The following HDAC9 variants were observed in gnomAD, a reference collection of about 807,000 sequenced individuals.
The protein encoded by HDAC9 is MEF-2 interacting transcription repressor (MITR) protein.
In HDAC9, 41 loss-of-function variants were observed where a neutral mutation model predicts 139.4. The observed-to-expected ratio is 0.29, with a 90% CI of 0.23 to 0.38. The LOEUF is 0.38. Among genes scored for constraint, HDAC9 ranks in the 10% least tolerant of loss-of-function variants. HDAC9 has a pLI of 1.00. For synonymous variants in HDAC9, 517 were observed against 476.2 expected (o/e 1.09, Z -1.12); for missense variants, 1,147 against 1,297.0 (o/e 0.88, Z 1.78).
intron 16 of HDAC9, among the ~76,000 whole-genome samples, chr7:18,771,867 G>T (rs1790326247): frequency 6.6e-6 from 1 of 152,102 alleles, no homozygotes; most frequent in African/African-American, 2.4e-5. Flanking sequence ...TGTGATTTAG[G>T]ATGGTCATCT....
At chr7:18,357,103 C>G (rs745696869) in intron 1 of HDAC9, among the ~76,000 whole-genome samples, 13 of 152,028 alleles carry the variant, frequency 8.6e-5, no homozygotes, top group Non-Finnish European at 1.5e-4. Flanking sequence ...GAAATTTATA[C>G]CATTCTAGGA....
intron 19 of HDAC9, among the ~76,000 whole-genome samples, chr7:18,834,447 T>C (rs1269404628): frequency 6.6e-6 from 1 of 152,048 alleles, no homozygotes; most frequent in Non-Finnish European, 1.5e-5. Flanking sequence ...TCTATTGACT[T>C]TTTCATTTCT....
At chr7:18,664,178 T>C (rs1308153537) in intron 11 of HDAC9, among the ~76,000 whole-genome samples, 1 of 152,150 alleles carries the variant, frequency 6.6e-6, no homozygotes, top group Non-Finnish European at 1.5e-5. Flanking sequence ...GTATTCAGAA[T>C]TGGGACAAAA....
intron 2 of HDAC9, among the ~76,000 whole-genome samples, chr7:18,222,392 G>T (rs988552364): frequency 1.3e-5 from 2 of 152,114 alleles, no homozygotes; most frequent in African/African-American, 4.8e-5. Context: ...AAAAGGGCAG[G>T]TAGCTGTTAG....
intron 2 of HDAC9, among the ~76,000 whole-genome samples, chr7:18,169,026 C>A (rs1404540193): frequency 6.6e-6 from 1 of 151,688 alleles, no homozygotes; most frequent in African/African-American, 2.4e-5. Context: ...CAACCTCCGC[C>A]TCTTGGGTTC....
At chr7:18,379,168 A>G (rs1189839254) in intron 1 of HDAC9, among the ~76,000 whole-genome samples, 1 of 152,230 alleles carries the variant, frequency 6.6e-6, no homozygotes, top group African/African-American at 2.4e-5. Context: ...AATAATAGAA[A>G]ATGCACTTAA....
chr7:18,252,097 T>C (rs1794952783), intron 2 of HDAC9, among the ~76,000 whole-genome samples: 1 of 152,124 alleles, frequency 6.6e-6, no homozygotes. Context: ...TAGAGCAAAA[T>C]AAATTAAGTA....
intron 12 of HDAC9, among the ~76,000 whole-genome samples, chr7:18,670,517 G>A (rs967398255): frequency 1.3e-5 from 2 of 152,074 alleles, no homozygotes; most frequent in African/African-American, 4.8e-5. Context: ...CACACAGTGC[G>A]CAAGCACTTC....
chr7:18,594,165 G>C, intron 6 of HDAC9, 136 bp downstream of exon 6: 1 of 735,146 alleles, frequency 1.4e-6, no homozygotes, highest in East Asian at 2.6e-5. Context: ...CCCAGCATAA[G>C]CAAACAATGC....
intron 11 of HDAC9, among the ~76,000 whole-genome samples, chr7:18,663,186 T>G (rs1392160996): frequency 1.3e-5 from 2 of 151,942 alleles, no homozygotes; most frequent in African/African-American, 4.8e-5. Flanking sequence ...AATTGAGATT[T>G]AGAGTAATGC....
chr7:18,834,464 A>G (rs1254658509), intron 19 of HDAC9, among the ~76,000 whole-genome samples: 3 of 151,744 alleles, frequency 2.0e-5, no homozygotes, highest in Admixed American at 6.6e-5. Context: ...TTCTTATATC[A>G]ATTCTGGCAC....
intron 22 of HDAC9, among the ~76,000 whole-genome samples, chr7:18,930,880 A>G (rs73083857): frequency 0.052 from 7,952 of 152,216 alleles, 273 homozygotes; most frequent in Non-Finnish European, 0.076. Flanking sequence ...TAAATTTGGC[A>G]TTTTATGGGA....
At chr7:18,717,429 T>C (rs1293438837) in intron 12 of HDAC9, among the ~76,000 whole-genome samples, 1 of 147,296 alleles carries the variant, frequency 6.8e-6, no homozygotes, top group East Asian at 1.9e-4. Context: ...ATTTACAATT[T>C]CCTTTTTTTT....
At chr7:18,143,844 C>A (rs1212077646) in intron 1 of HDAC9, among the ~76,000 whole-genome samples, 2 of 151,288 alleles carry the variant, frequency 1.3e-5, no homozygotes, top group African/African-American at 4.9e-5. Flanking sequence ...ATTTGGTGCA[C>A]AGTATGGCTG....
intron 2 of HDAC9, among the ~76,000 whole-genome samples, chr7:18,514,906 C>T (rs547392291): frequency 7.9e-4 from 120 of 152,140 alleles, no homozygotes; most frequent in African/African-American, 2.5e-3. Flanking sequence ...ATGATCATGC[C>T]GCTGCACTCT....
At chr7:18,658,326 A>G (rs971227808) in intron 11 of HDAC9, among the ~76,000 whole-genome samples, 1 of 152,178 alleles carries the variant, frequency 6.6e-6, no homozygotes, top group African/African-American at 2.4e-5. Flanking sequence ...ATGTTCTCAA[A>G]CTAGTTGGAA....
Position 18,168,883 on chromosome 7 carries a change from T to TG in HDAC9, c.25+6534_25+6535insG, listed in dbSNP as rs1788188434. Among the ~76,000 whole-genome samples the TG allele has an allele frequency of 5.9e-5, 6 of 102,140 alleles. No homozygotes were observed. In the South Asian group the frequency reaches 2.2e-3, roughly 38 times the overall value. The allele number at this position is 102,140 out of a possible 152,430, so 67.0% of individuals were successfully genotyped here. A position where few individuals can be genotyped will look rare whatever the true frequency, so the allele number is the denominator to read the frequency against. ...CTGAGGAGGTGCAAATGTCTTGTTT[T>TG]TTTTTTTTTTTTTTTGTGTGTGTGT... On this transcript the variant is annotated intron_variant, in intron 2 of 12. Coordinates refer to the HDAC9 transcript ENST00000417496.
At chr7:18,757,563 T>A (rs1246925108) in intron 14 of HDAC9, among the ~76,000 whole-genome samples, 2 of 152,156 alleles carry the variant, frequency 1.3e-5, no homozygotes, top group East Asian at 3.9e-4. Context: ...TTTATCATGA[T>A]TTTTTGCCCT....
rs1413126795 is a variant in HDAC9, at chr7:18,667,204, C to A, written c.1731+728C>A. On this transcript the variant is annotated intron_variant, in intron 12 of 25. Coordinates refer to ENST00000686413, the MANE Select transcript of HDAC9 (RefSeq NM_178425.4). Reference sequence around the variant, plus strand: ...ACTTTTATTTTGTGTAATTTGATGACACTGTCTATCAAAAAAGAGCAAATG... The same window carrying A: ...ACTTTTATTTTGTGTAATTTGATGAAACTGTCTATCAAAAAAGAGCAAATG... 3.0e-6 allele frequency: 3 copies of A among 985,072 alleles called. No homozygotes were observed. The East Asian group carries it at 3.4e-4, about 112-fold the overall frequency. The allele number at this position is 985,072 out of a possible 1,614,324, so 61.0% of individuals were successfully genotyped here.
Sources: gnomAD v4.1 joint callset for allele counts (sites outside exome capture counted in the v4.1 genomes callset) on GRCh38, gnomAD v4.1.1 for gene constraint, MANE v1.5 for transcripts, NCBI Gene and HGNC (gene_info 2026-07-23, HGNC 2026-07-21) for gene names.